Variants in VPS13C observed in about 807,000 individuals in gnomAD.
VPS13C encodes the protein vacuolar protein sorting 13 homolog C.
VPS13C carries 358 observed loss-of-function variants against 456.8 expected under a neutral mutation model. The observed-to-expected ratio is 0.78, with a 90% confidence interval of 0.72 to 0.86. VPS13C has a LOEUF of 0.86. Among genes scored for constraint, VPS13C ranks in the 40% least tolerant of loss-of-function variants. The pLI, the probability that VPS13C is intolerant of heterozygous loss-of-function variation, is 0.00. For missense variants in VPS13C, 4,818 were observed against 4,385.4 expected, an observed-to-expected ratio of 1.10 and a Z score of -2.79; for synonymous variants, 1,578 against 1,486.7, an observed-to-expected ratio of 1.06 and a Z score of -1.41.
At chr15:61,958,577 T>A (rs567842274) in intron 37 of VPS13C, 31 bp downstream of exon 37, 1 of 1,174,698 alleles carries the variant, frequency 8.5e-7, no homozygotes, top group South Asian at 1.4e-5. Context: ...TAGACACATA[T>A]GTATATTGCC....
intron 3 of VPS13C, among the ~76,000 whole-genome samples, chr15:62,037,344 T>C (rs1219251325): frequency 4.7e-5 from 4 of 86,000 alleles, no homozygotes; most frequent in South Asian, 2.8e-4. Context: ...TTATATATAA[T>C]ATATTATATA....
chr15:61,972,618 C>T lies in VPS13C; in HGVS notation c.2757+7G>A, dbSNP rs1397545678. On this transcript the variant is annotated splice_region_variant and intron_variant, in intron 27 of 84. Coordinates refer to ENST00000644861, the MANE Select transcript of VPS13C (RefSeq NM_020821.3). ...ATATATCTATTTATAGACAAAAAAG[C>T]ACATACTTCTTTAATTTCAAACTTG... is the stretch of plus-strand genomic sequence containing the variant. The T allele has an allele frequency of 2.5e-6, 4 of 1,611,510 alleles. No individual in the cohort carries two copies. The Admixed American group carries it at 5.0e-5, about 20-fold the overall frequency.
At chr15:61,961,477 G>T in intron 35 of VPS13C, 112 bp downstream of exon 35, 3 of 1,030,706 alleles carry the variant, frequency 2.9e-6, no homozygotes, top group Non-Finnish European at 4.1e-6. Flanking sequence ...ACTGTTCCGT[G>T]TAATGGAACA....
At chr15:61,878,328 T>C (rs1348148717) in intron 74 of VPS13C, among the ~76,000 whole-genome samples, 2 of 151,926 alleles carry the variant, frequency 1.3e-5, no homozygotes, top group African/African-American at 4.8e-5. Flanking sequence ...ATATGGTTAA[T>C]TTATAATATA....
intron 5 of VPS13C, among the ~76,000 whole-genome samples, chr15:62,031,596 A>G (rs938341722): frequency 6.6e-6 from 1 of 152,028 alleles, no homozygotes; most frequent in African/African-American, 2.4e-5. Flanking sequence ...AACTTTTTTG[A>G]CAAATATAAC....
intron 17 of VPS13C, 79 bp downstream of exon 17, chr15:61,991,594 A>G: frequency 6.9e-7 from 1 of 1,453,582 alleles, no homozygotes; most frequent in Non-Finnish European, 9.1e-7. Context: ...TCAAAATAAA[A>G]TTCAACAGGG....
At chr15:61,895,655 C>G (rs1299574119) in intron 66 of VPS13C, among the ~76,000 whole-genome samples, 3 of 152,080 alleles carry the variant, frequency 2.0e-5, no homozygotes, top group African/African-American at 7.2e-5. Context: ...CTGGAAGAAA[C>G]AGAAAACCTA....
intron 40 of VPS13C, 100 bp downstream of exon 40, chr15:61,950,845 G>T: frequency 1.2e-6 from 1 of 805,282 alleles, no homozygotes; most frequent in Non-Finnish European, 1.9e-6. Flanking sequence ...ATAAGTTTAG[G>T]TAGAAAAATG....
At chr15:61,938,848 G>C (rs1596356835) in intron 47 of VPS13C, among the ~76,000 whole-genome samples, 1 of 152,014 alleles carries the variant, frequency 6.6e-6, no homozygotes, top group African/African-American at 2.4e-5. Context: ...CTTAGAGAAA[G>C]ACACCAGCCT....
chr15:62,013,914 T>G lies in VPS13C; in HGVS notation c.744+19A>C, dbSNP rs117696749. 6.3e-7 allele frequency: 1 copy of G among 1,582,036 alleles called. No individual in the cohort carries two copies. The highest frequency in any genetic ancestry group is 8.6e-7 in the Non-Finnish European group (1 of 1,159,318). On this transcript the variant is annotated intron_variant, in intron 10 of 84. Coordinates refer to ENST00000644861, the MANE Select transcript of VPS13C (RefSeq NM_020821.3). ...GTGCACCTAGGAAACTAACAAAAAT[T>G]TTTATTCCAACATAATACCTTGTAT...
chr15:61,903,941 T>C (rs943152846), intron 66 of VPS13C, among the ~76,000 whole-genome samples: 1 of 152,094 alleles, frequency 6.6e-6, no homozygotes, highest in African/African-American at 2.4e-5. Context: ...TGCAGGAGAA[T>C]TAAACTAGAC....
At chr15:61,939,436 A>G (rs2044340951) in intron 47 of VPS13C, among the ~76,000 whole-genome samples, 2 of 152,348 alleles carry the variant, frequency 1.3e-5, no homozygotes, top group South Asian at 4.1e-4. Flanking sequence ...CTTCCCTAGT[A>G]AAACTCTGCT....
chr15:61,866,378 G>C (rs1894593511), intron 81 of VPS13C: 2 of 983,222 alleles, frequency 2.0e-6, no homozygotes, highest in African/African-American at 1.7e-5. Flanking sequence ...TTTTGACAGA[G>C]AGTTATAAAA....
chr15:61,895,513 TA>T (rs1566976814), intron 66 of VPS13C, among the ~76,000 whole-genome samples: 1 of 152,086 alleles, frequency 6.6e-6, no homozygotes, highest in Non-Finnish European at 1.5e-5. Context: ...TAAGGAGACT[TA>T]TAACAGTTGA....
At chr15:62,049,557 T>C (rs938860564) in intron 1 of VPS13C, among the ~76,000 whole-genome samples, 17 of 152,338 alleles carry the variant, frequency 1.1e-4, no homozygotes, top group African/African-American at 4.1e-4. Context: ...GCTTTGTTCT[T>C]TTGGCTTAGG....
intron 22 of VPS13C, among the ~76,000 whole-genome samples, chr15:61,980,409 A>C (rs939779928): frequency 6.6e-6 from 1 of 152,162 alleles, no homozygotes; most frequent in African/African-American, 2.4e-5. Flanking sequence ...AAAGAACGAT[A>C]GCATCCGCTT....
chr15:61,919,443 T>A lies in VPS13C; in HGVS notation c.7484A>T (p.His2495Leu), dbSNP rs201257880. 3.2e-6 allele frequency: 5 copies of A among 1,580,746 alleles called. No homozygotes were observed. The highest frequency in any genetic ancestry group is 3.3e-4 in the Middle Eastern group (2 of 5,976). ...GATATTTGCAACTTCTGTATATCCA[T>A]GAGGTACTAAGGCAGTGCATAAGTG... ...SSFFTLTIVP[H>L]GYTEVANIPV... The change falls in exon 58 of 85, where the codon CAT becomes CTT. Residue 2495 changes from histidine (H) to leucine (L), a missense_variant. Coordinates refer to ENST00000644861, the MANE Select transcript of VPS13C (RefSeq NM_020821.3).
rs890379609 is a variant in VPS13C at position 62,038,457 on chromosome 15, C to T, written c.187+2867G>A. On this transcript the variant is annotated intron_variant, in intron 3 of 84. Transcript: ENST00000644861. ...TACAAATATGAGCCAATCATGGTGA[C>T]ACACCCGTCGTTTCAGCAACTTGGG... Among the ~76,000 whole-genome samples the T allele has an allele frequency of 2.6e-5, 4 of 151,980 alleles. 1 individual carries two copies. Among genetic ancestry groups the T allele is most frequent in the Non-Finnish European group, 5.9e-5 (4 of 68,000 alleles).
Position 61,875,831 on chromosome 15 carries a change from C to T in VPS13C, c.10239G>A (p.Met3413Ile), listed in dbSNP as rs377208967. ...CATCTAACCCCAATACAAGGACATA[C>T]ATCTGTTTCAAGAACTAAAAAAGAA... is the stretch of plus-strand genomic sequence containing the variant. The part of the protein sequence containing the change: ...RHYSEQFLKQ[M>I]YVLVLGLDVL... Residue 3413 changes from methionine (M) to isoleucine (I), a missense_variant, in exon 76 of 85, where the codon ATG (methionine) becomes ATA (isoleucine). By Grantham distance (10) the Met-to-Ile change is conservative. Transcript: ENST00000644861. 103 of 1,583,694 alleles carry T rather than the reference C, an allele frequency of 6.5e-5. No homozygotes were observed. The highest frequency in any genetic ancestry group is 8.3e-5 in the African/African-American group (6 of 72,688).
Sources: gnomAD v4.1 joint callset for allele counts (sites outside exome capture counted in the v4.1 genomes callset) on GRCh38, gnomAD v4.1.1 for gene constraint, MANE v1.5 for transcripts, NCBI Gene and HGNC (gene_info 2026-07-23, HGNC 2026-07-21) for gene names.